Variants in SLC1A1 observed in about 807,000 individuals in gnomAD.
SLC1A1 encodes solute carrier family 1 member 1.
A neutral mutation model predicts 53.3 loss-of-function variants in SLC1A1; 43 were observed. That is an observed-to-expected ratio of 0.81 (90% CI 0.63 to 1.04). SLC1A1 has a LOEUF of 1.04. SLC1A1 is among the 50% of genes least tolerant of loss of function. SLC1A1 has a pLI of 0.00. For synonymous variants in SLC1A1, 307 were observed against 243.2 expected (o/e 1.26, Z -2.44); for missense variants, 748 against 664.9 (o/e 1.12, Z -1.37).
Position 4,583,024 on chromosome 9 carries a change from G to A in SLC1A1, c.1194-14G>A. On this transcript the variant is annotated splice_polypyrimidine_tract_variant and intron_variant, in intron 10 of 11. Coordinates refer to ENST00000262352, the MANE Select transcript of SLC1A1 (RefSeq NM_004170.6). The surrounding 1 kb of genome is among the most constrained non-coding windows in gnomAD (Gnocchi z 4.6). ...TAAGTGTCTAACTCCTTTCCTGCTG[G>A]TATGTTTCTGCAGTATCACGGCCAC... 6.2e-7 allele frequency: 1 copy of A among 1,614,190 alleles called. No homozygotes were observed. The highest frequency in any genetic ancestry group is 1.6e-4 in the Middle Eastern group (1 of 6,062).
In SLC1A1 at chr9:4,583,011, T is replaced by C; in HGVS notation, c.1194-27T>C. 3.1e-6 allele frequency: 5 copies of C among 1,614,078 alleles called. No individual in the cohort carries two copies. Among genetic ancestry groups the C allele is most frequent in the Non-Finnish European group, 4.2e-6 (5 of 1,179,954 alleles). On this transcript the variant is annotated intron_variant, in intron 10 of 11. Transcript: ENST00000262352. This position sits in a 1 kb window ranked among gnomAD's most constrained non-coding sequence, Gnocchi z 4.6. ...TTAACGGGAGAGGTAAGTGTCTAACTCCTTTCCTGCTGGTATGTTTCTGCA... is the reference window on the plus strand; with the variant it reads ...TTAACGGGAGAGGTAAGTGTCTAACCCCTTTCCTGCTGGTATGTTTCTGCA...
intron 1 of SLC1A1, among the ~76,000 whole-genome samples, chr9:4,514,349 G>A (rs915804040): frequency 2.0e-4 from 30 of 152,098 alleles, no homozygotes; most frequent in African/African-American, 7.2e-4. Context: ...TGATGCTGCC[G>A]TAATTCCCAT....
rs886063972 is a variant in SLC1A1 at position 4,586,277 on chromosome 9, T to C, written c.*719T>C. 2 of 152,026 alleles carry C rather than the reference T, an allele frequency of 1.3e-5. No individual in the cohort carries two copies. Among genetic ancestry groups the C allele is most frequent in the African/African-American group, 2.4e-5 (1 of 41,410 alleles). 9.4% of individuals were successfully genotyped at this position (152,026 alleles called of 1,614,324 possible). A position where few individuals can be genotyped will look rare whatever the true frequency, so the allele number is the denominator to read the frequency against. ...ATAATTTGCCAGACAGAGATCAGAA[T>C]TGAACCGTCAATGTGAAATAAAGAG... On this transcript the variant is annotated 3_prime_UTR_variant, in exon 12 of 12. Transcript: ENST00000262352.
At chr9:4,552,767 T>C (rs1197955660) in intron 2 of SLC1A1, among the ~76,000 whole-genome samples, 1 of 151,662 alleles carries the variant, frequency 6.6e-6, no homozygotes, top group African/African-American at 2.4e-5. Context: ...TCCTCAGCTT[T>C]AAAATATGGA....
chr9:4,581,856 C>G (rs1364056106), intron 10 of SLC1A1, among the ~76,000 whole-genome samples: 1 of 152,298 alleles, frequency 6.6e-6, no homozygotes, highest in East Asian at 1.9e-4. Context: ...TGACTGTACC[C>G]TCAAATGCTT....
At chr9:4,512,910 G>A (rs888006558) in intron 1 of SLC1A1, among the ~76,000 whole-genome samples, 4 of 152,146 alleles carry the variant, frequency 2.6e-5, no homozygotes, top group African/African-American at 9.7e-5. Context: ...GATTGCAGGT[G>A]TGAGCCACTG....
At chr9:4,519,355 G>A (rs1034221300) in intron 1 of SLC1A1, among the ~76,000 whole-genome samples, 2 of 152,142 alleles carry the variant, frequency 1.3e-5, no homozygotes, top group Non-Finnish European at 2.9e-5. Flanking sequence ...CAACATTCTC[G>A]AGATACCCTC....
intron 1 of SLC1A1, among the ~76,000 whole-genome samples, chr9:4,530,499 G>A (rs1431186634): frequency 1.3e-5 from 2 of 152,156 alleles, no homozygotes; most frequent in Non-Finnish European, 1.5e-5. Context: ...AGTTTTTCCT[G>A]CAGGCCCAAA....
chr9:4,537,513 T>G lies in SLC1A1; in HGVS notation c.92-7054T>G, dbSNP rs560131339. 3.8e-5 allele frequency among the ~76,000 whole-genome samples: 2 copies of G among 53,098 alleles called. 1 individual carries two copies. Among genetic ancestry groups the G allele is most frequent in the Non-Finnish European group, 8.9e-5 (2 of 22,510 alleles). The allele number at this position is 53,098 out of a possible 152,430, so 34.8% of individuals were successfully genotyped here. On this transcript the variant is annotated intron_variant, in intron 1 of 11. Coordinates refer to ENST00000262352, the MANE Select transcript of SLC1A1 (RefSeq NM_004170.6). ...AGCGGAGCTTGCAGTGAGCCGAGAT[T>G]GCGCCACTGCAGTCCACAGTCCGGC...
At chr9:4,576,227 T>C in intron 9 of SLC1A1, 104 bp downstream of exon 9, 1 of 1,129,942 alleles carries the variant, frequency 8.9e-7, no homozygotes, top group Non-Finnish European at 1.3e-6. Context: ...TGTAGCTGTC[T>C]TTGAGAAATG....
intron 2 of SLC1A1, among the ~76,000 whole-genome samples, chr9:4,551,591 G>A (rs1817934045): frequency 6.6e-6 from 1 of 152,224 alleles, no homozygotes; most frequent in African/African-American, 2.4e-5. Context: ...TAGCTACGAG[G>A]GAGGAGTATG....
chr9:4,498,818 A>ATG (rs113905156), intron 1 of SLC1A1, among the ~76,000 whole-genome samples: 1,495 of 149,052 alleles, frequency 0.01, 32 homozygotes, highest in African/African-American at 0.034. Flanking sequence ...ATATATATAT[A>ATG]TGTGTGTGTG....
intron 6 of SLC1A1, among the ~76,000 whole-genome samples, chr9:4,568,620 C>T (rs1276144275): frequency 1.2e-4 from 18 of 150,792 alleles, no homozygotes. Flanking sequence ...ACTTGAGAGG[C>T]TGAGGCAGGA....
At chr9:4,579,446 C>T (rs1353574876) in intron 10 of SLC1A1, among the ~76,000 whole-genome samples, 2 of 152,080 alleles carry the variant, frequency 1.3e-5, no homozygotes, top group African/African-American at 2.4e-5. Flanking sequence ...TGATGAAATC[C>T]CTCCCTCTTT....
intron 8 of SLC1A1, 64 bp from the exon 9 acceptor site, chr9:4,575,937 A>G (rs928715414): frequency 1.8e-5 from 29 of 1,580,888 alleles, no homozygotes; most frequent in Non-Finnish European, 2.4e-5. Context: ...ATGTTTGATA[A>G]AAGGATTAAG....
At chr9:4,492,798 AAAG>A (rs1431985036) in intron 1 of SLC1A1, among the ~76,000 whole-genome samples, 2 of 145,998 alleles carry the variant, frequency 1.4e-5, no homozygotes, top group Non-Finnish European at 3.0e-5. Context: ...CCTTGTCTAA[AAAG>A]AAAAAAAAAA....
intron 1 of SLC1A1, among the ~76,000 whole-genome samples, chr9:4,509,570 A>G (rs1242584994): frequency 2.6e-5 from 4 of 151,968 alleles, no homozygotes; most frequent in African/African-American, 9.7e-5. Context: ...ATAAAAAAAA[A>G]AACCCAACCT....
intron 8 of SLC1A1, among the ~76,000 whole-genome samples, chr9:4,574,602 TG>T (rs2129795823): frequency 6.6e-6 from 1 of 152,184 alleles, no homozygotes; most frequent in South Asian, 2.1e-4. Flanking sequence ...CAGCAGGGGT[TG>T]GGTAGTTTCC....
intron 1 of SLC1A1, among the ~76,000 whole-genome samples, chr9:4,531,175 G>C (rs1349278500): frequency 6.6e-6 from 1 of 152,226 alleles, no homozygotes; most frequent in Non-Finnish European, 1.5e-5. Flanking sequence ...TGAGATACCA[G>C]GTTCATCTCA....
Sources: allele counts gnomAD v4.1 joint callset (sites outside exome capture counted in the v4.1 genomes callset), GRCh38; gene constraint gnomAD v4.1.1; non-coding constraint Gnocchi (gnomAD v3.1); transcripts MANE v1.5; gene names NCBI Gene and HGNC (gene_info 2026-07-23, HGNC 2026-07-21).